ERAP2: variants seen among roughly 807,000 people sequenced by gnomAD.
The protein encoded by ERAP2 is leukocyte-derived arginine aminopeptidase.
A neutral mutation model predicts 111.1 loss-of-function variants in ERAP2; 118 were observed. The ratio of observed to expected loss-of-function variants is 1.06; its 90% CI spans 0.92 to 1.24. The LOEUF (loss-of-function observed/expected upper bound fraction) is 1.24. ERAP2 is among the 50% of genes most tolerant of loss of function. The probability of loss-of-function intolerance (pLI) is 0.00; values close to 1 mark genes in which losing one functional copy is unlikely to be tolerated. For missense variants in ERAP2, 1,131 were observed against 1,125.8 expected (o/e 1.00, Z -0.07); for synonymous variants, 410 against 401.2 (o/e 1.02, Z -0.26).
chr5:96,886,810 T>G, intron 4 of ERAP2, 21 bp downstream of exon 4: 1 of 1,431,842 alleles, frequency 7.0e-7, no homozygotes, highest in African/African-American at 1.4e-5. Flanking sequence ...GTTCTAACGT[T>G]CTACGCAGTG....
intron 6 of ERAP2, among the ~76,000 whole-genome samples, chr5:96,895,023 A>G (rs1784725431): frequency 6.6e-6 from 1 of 152,066 alleles, no homozygotes; most frequent in African/African-American, 2.4e-5. Flanking sequence ...GGGCATTGAG[A>G]ACACACAAAA....
chr5:96,901,603 G>A lies in ERAP2; in HGVS notation c.1670G>A (p.Cys557Tyr), dbSNP rs200977498. The A allele has an allele frequency of 1.9e-5, 31 of 1,614,138 alleles. 1 individual carries two copies. Among genetic ancestry groups the A allele is most frequent in the Admixed American group, 1.7e-5 (1 of 60,004 alleles). ...CTGCTGGTGGTTAAACAAGACGGGTGTTCACTCCGACTGCAACAGGAGCGC... is the reference window on the plus strand; with the variant it reads ...CTGCTGGTGGTTAAACAAGACGGGTATTCACTCCGACTGCAACAGGAGCGC... The part of the protein sequence containing the change: ...IPLLVVKQDG[C>Y]SLRLQQERFL... The change falls in exon 11 of 19, where the codon TGT becomes TAT. Residue 557 changes from cysteine to tyrosine, a missense_variant. Cys to Tyr is a radical substitution (Grantham distance 194, BLOSUM62 -2). Transcript: ENST00000437043.
chr5:96,907,453 T>C (rs1329414128), intron 13 of ERAP2, among the ~76,000 whole-genome samples: 1 of 152,226 alleles, frequency 6.6e-6, no homozygotes, highest in African/African-American at 2.4e-5. Context: ...ATATGTCAAA[T>C]ATTCTTCTTA....
At chr5:96,888,701 A>G (rs1784014926) in intron 4 of ERAP2, among the ~76,000 whole-genome samples, 1 of 152,250 alleles carries the variant, frequency 6.6e-6, no homozygotes, top group African/African-American at 2.4e-5. Context: ...TGGGGGAGCC[A>G]TTGAACATAT....
Position 96,891,535 on chromosome 5 carries a change from TACACACAC to T in ERAP2, c.971-742_971-735del, listed in dbSNP as rs140359623. Among the ~76,000 whole-genome samples the T allele has an allele frequency of 3.1e-3, 425 of 138,976 alleles. 6 individuals carry two copies. Among genetic ancestry groups the T allele is most frequent in the African/African-American group, 0.01 (368 of 36,674 alleles). 91.2% of individuals were successfully genotyped at this position (138,976 alleles called of 152,430 possible). On this transcript the variant is annotated intron_variant, in intron 5 of 18. Coordinates refer to ENST00000437043, the MANE Select transcript of ERAP2 (RefSeq NM_022350.5). ...TATATATGCCCATATACGGTATATA[TACACACAC>T]ACACACACACACACACACACATATA...
intron 9 of ERAP2, among the ~76,000 whole-genome samples, chr5:96,898,745 A>C (rs954863226): frequency 2.0e-5 from 3 of 152,050 alleles, no homozygotes; most frequent in Non-Finnish European, 4.4e-5. Context: ...CTTAAAACAA[A>C]ACAAAACAAA....
rs1240746538 is a variant in ERAP2 at position 96,909,664 on chromosome 5, T to C, written c.2254T>C (p.Ser752Pro). The C allele has an allele frequency of 1.2e-6, 2 of 1,614,056 alleles. No individual in the cohort carries two copies. The highest frequency in any genetic ancestry group is 1.7e-6 in the Non-Finnish European group (2 of 1,180,020). ...CTCAGTCTGGGACAGGATGCTCCGC[T>C]CGGCTCTCTTGAAGCTGGCCTGTGA... ...KGSVWDRMLRSALLKLACDLN... is the reference protein window; with the variant it reads ...KGSVWDRMLRPALLKLACDLN... The change falls in exon 15 of 19, where the codon TCG (serine) becomes CCG (proline). Residue 752 changes from serine to proline, a missense_variant. Physicochemically the swap from Ser to Pro is moderately conservative, Grantham distance 74. Transcript: ENST00000437043.
In ERAP2 at chr5:96,887,370, G is replaced by A. The variant is rs1157092267; in HGVS notation, c.849+581G>A. 6.1e-5 allele frequency among the ~76,000 whole-genome samples: 9 copies of A among 147,744 alleles called. No homozygotes were observed. In the East Asian group the frequency reaches 1.2e-3, roughly 20 times the overall value. ...GGCTGGAGTGCAATGATGCTATCTC[G>A]GCTCACTGCAATCTCCGCCTCCTGG... On this transcript the variant is annotated intron_variant, in intron 4 of 18. Transcript: ENST00000437043.
Position 96,915,677 on chromosome 5 carries a change from T to G in ERAP2, c.2658-11T>G. 6.6e-7 allele frequency: 1 copy of G among 1,504,010 alleles called. No homozygotes were observed. The highest frequency in any genetic ancestry group is 8.9e-7 in the Non-Finnish European group (1 of 1,124,086). The allele number at this position is 1,504,010 out of a possible 1,614,324, so 93.2% of individuals were successfully genotyped here. The stretch of plus-strand genomic sequence containing the variant: ...TCTATGACTTTCTATGGTGTTTCTT[T>G]TTATTTTCAGATTTGACTTGGGCTC... On this transcript the variant is annotated splice_polypyrimidine_tract_variant and intron_variant, in intron 17 of 18. Transcript: ENST00000437043.
At chr5:96,891,517 GCC>G (rs1561371963) in intron 5 of ERAP2, among the ~76,000 whole-genome samples, 6 of 136,904 alleles carry the variant, frequency 4.4e-5, no homozygotes, top group Non-Finnish European at 6.2e-5. Context: ...ATATATATAT[GCC>G]CATATACGGT....
Position 96,918,614 on chromosome 5 carries a change from T to G in ERAP2, c.*1009T>G, listed in dbSNP as rs1787692541. On this transcript the variant is annotated 3_prime_UTR_variant, in exon 19 of 19. Transcript: ENST00000437043. ...AGATACAAAAGGAAAAGGAATATAA[T>G]TCATACCATTTGGTTTAAGCCTTAC... 6.6e-6 allele frequency: 1 copy of G among 152,090 alleles called. No homozygotes were observed. The highest frequency in any genetic ancestry group is 2.4e-5 in the African/African-American group (1 of 41,396). 9.4% of individuals were successfully genotyped at this position (152,090 alleles called of 1,614,324 possible).
At chr5:96,916,092 G>A (rs912073897) in intron 18 of ERAP2, among the ~76,000 whole-genome samples, 14 of 151,916 alleles carry the variant, frequency 9.2e-5, no homozygotes, top group Non-Finnish European at 1.9e-4. Flanking sequence ...GTGGTGGCAC[G>A]CACCTGTAGT....
intron 3 of ERAP2, among the ~76,000 whole-genome samples, chr5:96,885,462 C>G (rs570182143): frequency 3.3e-5 from 5 of 152,284 alleles, no homozygotes; most frequent in African/African-American, 1.2e-4. Context: ...TTTATCAGTA[C>G]CTTCCTCTTT....
intron 17 of ERAP2, among the ~76,000 whole-genome samples, chr5:96,914,913 A>G (rs1273167123): frequency 6.7e-6 from 1 of 148,866 alleles, no homozygotes; most frequent in African/African-American, 2.5e-5. Flanking sequence ...ATAAACATAA[A>G]TGATATATAG....
At chr5:96,898,802 A>G (rs945503648) in intron 9 of ERAP2, among the ~76,000 whole-genome samples, 13 of 151,848 alleles carry the variant, frequency 8.6e-5, no homozygotes, top group African/African-American at 2.9e-4. Context: ...ATCCATTTCC[A>G]TCACCCACCG....
At chr5:96,877,043 C>T (rs894514463) in intron 1 of ERAP2, among the ~76,000 whole-genome samples, 1 of 152,170 alleles carries the variant, frequency 6.6e-6, no homozygotes, top group Non-Finnish European at 1.5e-5. Context: ...AGCACGATCT[C>T]GGCTCACTGC....
intron 5 of ERAP2, among the ~76,000 whole-genome samples, chr5:96,891,547 C>G (rs1215635276): frequency 7.2e-6 from 1 of 138,498 alleles, no homozygotes. Flanking sequence ...CACACACACA[C>G]ACACACACAC....
chr5:96,904,581 A>C (rs1345071617), intron 13 of ERAP2, among the ~76,000 whole-genome samples: 1 of 152,196 alleles, frequency 6.6e-6, no homozygotes, highest in Admixed American at 6.5e-5. Flanking sequence ...GAAAAACACC[A>C]TCCTACATAT....
intron 9 of ERAP2, among the ~76,000 whole-genome samples, chr5:96,899,762 A>G (rs909506890): frequency 1.1e-4 from 17 of 152,198 alleles, no homozygotes; most frequent in African/African-American, 3.9e-4. Context: ...TACATGCTAA[A>G]TAGGGGCATA....
Sources: gnomAD v4.1 joint callset for allele counts (sites outside exome capture counted in the v4.1 genomes callset) on GRCh38, gnomAD v4.1.1 for gene constraint, MANE v1.5 for transcripts, NCBI Gene and HGNC (gene_info 2026-07-23, HGNC 2026-07-21) for gene names.